Variants in SPIN1 observed in about 807,000 individuals in gnomAD.
SPIN1 encodes the protein spindlin 1, also known as spindlin-1.
In SPIN1, 3 loss-of-function variants were observed where a neutral mutation model predicts 26.0. The observed-to-expected ratio is 0.12, with a 90% CI of 0.05 to 0.30. The LOEUF (loss-of-function observed/expected upper bound fraction) is 0.30. SPIN1 is among the 10% of genes least tolerant of loss of function. The pLI, the probability that SPIN1 is intolerant of heterozygous loss-of-function variation, is 1.00. For synonymous variants in SPIN1, 101 were observed against 116.5 expected (o/e 0.87, Z 0.86); for missense variants, 126 against 333.4 (o/e 0.38, Z 4.84).
intron 4 of SPIN1, among the ~76,000 whole-genome samples, chr9:88,467,588 CAAG>C (rs1828695868): frequency 2.0e-5 from 3 of 152,050 alleles, no homozygotes; most frequent in African/African-American, 7.2e-5. Context: ...GCATGAACAA[CAAG>C]GAGGAAGATG....
chr9:88,454,665 C>G (rs1338607620), intron 3 of SPIN1, among the ~76,000 whole-genome samples: 2 of 152,144 alleles, frequency 1.3e-5, no homozygotes, highest in Non-Finnish European at 2.9e-5. Context: ...CTTCAATAAT[C>G]TACATCAAAC....
chr9:88,445,203 T>C (rs1358280607), intron 2 of SPIN1, among the ~76,000 whole-genome samples: 2 of 152,128 alleles, frequency 1.3e-5, no homozygotes, highest in Non-Finnish European at 2.9e-5. Context: ...TTTTTACTTT[T>C]CTTTCTTTTT....
chr9:88,417,160 A>G (rs868289355), intron 1 of SPIN1, among the ~76,000 whole-genome samples: 3 of 152,234 alleles, frequency 2.0e-5, no homozygotes, highest in Admixed American at 2.0e-4. Context: ...TCTAATATCT[A>G]TGCTCTGTAT....
chr9:88,404,456 T>G (rs1024246902), intron 1 of SPIN1, among the ~76,000 whole-genome samples: 3 of 152,236 alleles, frequency 2.0e-5, no homozygotes, highest in African/African-American at 7.2e-5. Flanking sequence ...TTTTTTACTT[T>G]ATGAAGTTCA....
At chr9:88,441,652 G>C (rs113038366) in intron 2 of SPIN1, among the ~76,000 whole-genome samples, 1,803 of 151,638 alleles carry the variant, frequency 0.012, 74 homozygotes, top group African/African-American at 0.041. Context: ...CTACTTCAGA[G>C]GTTGAGGCGG....
chr9:88,430,883 CTTTTTT>C (rs906131135), intron 2 of SPIN1, among the ~76,000 whole-genome samples: 1 of 132,062 alleles, frequency 7.6e-6, no homozygotes, highest in East Asian at 2.2e-4. Flanking sequence ...TATATTTTTT[CTTTTTT>C]TTTTTTTTTT....
intron 3 of SPIN1, among the ~76,000 whole-genome samples, chr9:88,452,239 A>G (rs1259387117): frequency 2.6e-5 from 4 of 152,180 alleles, no homozygotes; most frequent in Non-Finnish European, 4.4e-5. Context: ...CTTACTGCAG[A>G]TGAGGAAACT....
rs1041985420 is a variant in SPIN1, at chr9:88,478,278, T to G, written c.*3001T>G. The G allele has an allele frequency of 1.3e-5, 2 of 152,680 alleles. No homozygotes were observed. The highest frequency in any genetic ancestry group is 2.9e-5 in the Non-Finnish European group (2 of 68,044). The allele number at this position is 152,680 out of a possible 1,614,324, so 9.5% of individuals were successfully genotyped here. A position where few individuals can be genotyped will look rare whatever the true frequency, so the allele number is the denominator to read the frequency against. ...AGACCCATTAGAAGACTGTTCCGATTGTTACAAATTGTAGTGCCTGAAAAC... is the reference window on the plus strand; with the variant it reads ...AGACCCATTAGAAGACTGTTCCGATGGTTACAAATTGTAGTGCCTGAAAAC... On this transcript the variant is annotated 3_prime_UTR_variant, in exon 6 of 6. Transcript: ENST00000375859.
At chr9:88,453,137 C>CT (rs1243249746) in intron 3 of SPIN1, among the ~76,000 whole-genome samples, 289 of 151,168 alleles carry the variant, frequency 1.9e-3, no homozygotes, top group African/African-American at 5.7e-3. Flanking sequence ...CTTTGCTTTC[C>CT]TTTTTTTTTA....
chr9:88,414,587 A>G (rs113795857), intron 1 of SPIN1, among the ~76,000 whole-genome samples: 6 of 152,188 alleles, frequency 3.9e-5, no homozygotes, highest in East Asian at 1.9e-4. Flanking sequence ...TGAGAAGACT[A>G]TGTGCTCTAT....
In SPIN1 at chr9:88,473,666, C is replaced by T. The variant is rs547729642; in HGVS notation, c.590-1412C>T. On this transcript the variant is annotated intron_variant, in intron 5 of 5. Transcript: ENST00000375859. ...ACTTGTGTGTGTGTGTGTGTGCACG[C>T]GCTATGGAAGCTTATTACCTTTAGA... Among the ~76,000 whole-genome samples, 205 of 116,220 alleles carry T rather than the reference C, an allele frequency of 1.8e-3. 1 individual carries two copies. The highest frequency in any genetic ancestry group is 9.6e-3 in the African/African-American group (189 of 19,664). The allele number at this position is 116,220 out of a possible 152,430, so 76.2% of individuals were successfully genotyped here.
rs561742678 is a variant in SPIN1, at chr9:88,462,303, A to G, written c.102-193A>G. 1.9e-3 allele frequency among the ~76,000 whole-genome samples: 284 copies of G among 152,314 alleles called. 1 individual carries two copies. Among genetic ancestry groups the G allele is most frequent in the Middle Eastern group, 3.4e-3 (1 of 294 alleles). ...GCTCCTATTACTAACATACCATGTT[A>G]CACACTCACCACCACTGGTACAGGG... is the stretch of plus-strand genomic sequence containing the variant. On this transcript the variant is annotated intron_variant, in intron 3 of 5. Transcript: ENST00000375859.
chr9:88,411,033 T>A, intron 1 of SPIN1: 1 of 1,584,004 alleles, frequency 6.3e-7, no homozygotes, highest in South Asian at 1.1e-5. Flanking sequence ...CCCCTTTTCT[T>A]GCCACTGCCT....
intron 2 of SPIN1, among the ~76,000 whole-genome samples, chr9:88,433,593 CTG>C (rs1827930413): frequency 6.6e-6 from 1 of 152,126 alleles, no homozygotes; most frequent in African/African-American, 2.4e-5. Flanking sequence ...ATTGGGGAGT[CTG>C]TGAAATGTTT....
At position 88,440,404 on chromosome 9, in the gene SPIN1, C is replaced by T. The variant is rs1362242622; in HGVS notation, c.53-8537C>T. ...GGACTCCTGAGCTCAAGCGATCCGTCCACCTTAGTCTCCCAAAGTGCTGGG... is the reference window on the plus strand; with the variant it reads ...GGACTCCTGAGCTCAAGCGATCCGTTCACCTTAGTCTCCCAAAGTGCTGGG... On this transcript the variant is annotated intron_variant, in intron 2 of 5. Transcript: ENST00000375859. Among the ~76,000 whole-genome samples the T allele has an allele frequency of 5.9e-5, 9 of 152,368 alleles. No homozygotes were observed. The East Asian group carries it at 1.7e-3, about 29-fold the overall frequency.
At chr9:88,388,843 C>T (rs1253435981) in intron 1 of SPIN1, among the ~76,000 whole-genome samples, 3 of 150,812 alleles carry the variant, frequency 2.0e-5, no homozygotes, top group Non-Finnish European at 3.0e-5. Context: ...CCCAGTTCCC[C>T]GGCCGCCGCC....
intron 3 of SPIN1, among the ~76,000 whole-genome samples, chr9:88,449,621 G>C (rs547814923): frequency 5.3e-5 from 8 of 152,024 alleles, no homozygotes; most frequent in African/African-American, 1.4e-4. Context: ...ATCCAAAAAA[G>C]AAATTAAGAT....
chr9:88,423,826 T>G (rs982032227), intron 1 of SPIN1, among the ~76,000 whole-genome samples: 3 of 151,746 alleles, frequency 2.0e-5, no homozygotes, highest in Non-Finnish European at 4.4e-5. Context: ...AGTGCAGTGG[T>G]GTGATCTTGG....
intron 1 of SPIN1, among the ~76,000 whole-genome samples, chr9:88,417,704 C>T (rs1827595384): frequency 6.6e-6 from 1 of 152,062 alleles, no homozygotes; most frequent in South Asian, 2.1e-4. Flanking sequence ...AACTCCTGAC[C>T]TCAAGTGATC....
Sources: allele counts gnomAD v4.1 joint callset (sites outside exome capture counted in the v4.1 genomes callset), GRCh38; gene constraint gnomAD v4.1.1; transcripts MANE v1.5; gene names NCBI Gene and HGNC (gene_info 2026-07-23, HGNC 2026-07-21).